Variants in CNTNAP5 observed in about 807,000 individuals in gnomAD.
CNTNAP5 encodes contactin associated protein family member 5.
A neutral mutation model predicts 150.2 loss-of-function variants in CNTNAP5; 72 were observed. The observed-to-expected ratio is 0.48, with a 90% CI of 0.40 to 0.58. The LOEUF (loss-of-function observed/expected upper bound fraction) is 0.58, where lower values mean the gene tolerates loss of function less well. CNTNAP5 is among the 20% of genes least tolerant of loss of function. The pLI is 0.00. For synonymous variants in CNTNAP5, 672 were observed against 619.8 expected (o/e 1.08, Z -1.25); for missense variants, 1,636 against 1,626.2 (o/e 1.01, Z -0.10).
chr2:124,487,624 A>G (rs1693917040), intron 7 of CNTNAP5, among the ~76,000 whole-genome samples: 2 of 151,940 alleles, frequency 1.3e-5, no homozygotes, highest in Admixed American at 6.6e-5. Context: ...ATGTGCCCAT[A>G]CACACGGAAT....
chr2:124,275,167 C>A (rs1379515583), intron 3 of CNTNAP5, among the ~76,000 whole-genome samples: 1 of 152,086 alleles, frequency 6.6e-6, no homozygotes, highest in Non-Finnish European at 1.5e-5. Context: ...GATTCAATTA[C>A]CTGACACTGG....
At chr2:124,247,416 T>C (rs781161509) in intron 3 of CNTNAP5, among the ~76,000 whole-genome samples, 40 of 152,120 alleles carry the variant, frequency 2.6e-4, no homozygotes, top group Non-Finnish European at 4.7e-4. Flanking sequence ...TATATGTGTA[T>C]ATGGTAGCAC....
intron 7 of CNTNAP5, among the ~76,000 whole-genome samples, chr2:124,483,452 G>T (rs1693803928): frequency 6.6e-6 from 1 of 152,180 alleles, no homozygotes; most frequent in South Asian, 2.1e-4. Context: ...ATCAACTCCA[G>T]GCATTGTGGA....
chr2:124,916,339 C>T lies in CNTNAP5; in HGVS notation c.*2051C>T, dbSNP rs78399865. On this transcript the variant is annotated 3_prime_UTR_variant, in exon 24 of 24. Coordinates refer to ENST00000682447, the MANE Select transcript of CNTNAP5 (RefSeq NM_001367498.1). ...TGAAGGATCTTTAAACACTGTTTTC[C>T]CCTGCCCTTTCCTCCCTTTCTTCAA... is the stretch of plus-strand genomic sequence containing the variant. 6.6e-6 allele frequency among the ~76,000 whole-genome samples: 1 copy of T among 151,910 alleles called. No individual in the cohort carries two copies. The highest frequency in any genetic ancestry group is 1.9e-4 in the East Asian group (1 of 5,168).
intron 14 of CNTNAP5, among the ~76,000 whole-genome samples, chr2:124,761,413 G>T (rs1184223863): frequency 2.0e-5 from 3 of 152,046 alleles, no homozygotes; most frequent in Non-Finnish European, 4.4e-5. Flanking sequence ...CAGTCAGTGT[G>T]GGTTCCCATT....
Position 124,447,266 on chromosome 2 carries a change from G to T in CNTNAP5, c.918+329G>T, listed in dbSNP as rs574977367. On this transcript the variant is annotated intron_variant, in intron 6 of 23. Transcript: ENST00000682447. ...TGGTTATGTATCTTCTTAAAAAAAA[G>T]ACCTCAGTTATCTGTGGTGATGAAA... 7.2e-5 allele frequency among the ~76,000 whole-genome samples: 11 copies of T among 151,780 alleles called. 1 individual carries two copies. The highest frequency in any genetic ancestry group is 1.6e-4 in the Non-Finnish European group (11 of 67,990).
intron 19 of CNTNAP5, among the ~76,000 whole-genome samples, chr2:124,823,430 C>T (rs1453224699): frequency 6.6e-6 from 1 of 152,160 alleles, no homozygotes; most frequent in Non-Finnish European, 1.5e-5. Context: ...TTTCAAAGAC[C>T]GTCACCACAC....
intron 19 of CNTNAP5, among the ~76,000 whole-genome samples, chr2:124,827,214 G>A (rs375962770): frequency 5.9e-5 from 9 of 152,066 alleles, no homozygotes; most frequent in Non-Finnish European, 1.2e-4. Flanking sequence ...ATGAGCCACC[G>A]CACCTGGCCT....
At chr2:124,785,961 C>G (rs114386313) in intron 17 of CNTNAP5, among the ~76,000 whole-genome samples, 1 of 152,004 alleles carries the variant, frequency 6.6e-6, no homozygotes, top group Non-Finnish European at 1.5e-5. Context: ...ACAAGCTGGC[C>G]GTTGTGGTTC....
At chr2:124,770,763 T>TG (rs1359618270) in intron 16 of CNTNAP5, among the ~76,000 whole-genome samples, 1 of 152,184 alleles carries the variant, frequency 6.6e-6, no homozygotes, top group Non-Finnish European at 1.5e-5. Flanking sequence ...TTGCCTAGGT[T>TG]GAAAAATCAC....
chr2:124,866,429 C>T (rs1489731375), intron 20 of CNTNAP5, among the ~76,000 whole-genome samples: 1 of 152,128 alleles, frequency 6.6e-6, no homozygotes, highest in African/African-American at 2.4e-5. Flanking sequence ...AAGAGGAAAT[C>T]ATAATAGGCT....
chr2:124,158,690 G>A (rs1025945286), intron 1 of CNTNAP5, among the ~76,000 whole-genome samples: 1 of 152,148 alleles, frequency 6.6e-6, no homozygotes, highest in African/African-American at 2.4e-5. Context: ...TGCTATGAGA[G>A]GATATTTTAT....
At chr2:124,264,470 A>T (rs1390006528) in intron 3 of CNTNAP5, among the ~76,000 whole-genome samples, 1 of 151,932 alleles carries the variant, frequency 6.6e-6, no homozygotes, top group East Asian at 1.9e-4. Context: ...AGGTTCAAAG[A>T]CACCAGAACT....
chr2:124,789,118 G>A (rs1356685898), intron 17 of CNTNAP5, among the ~76,000 whole-genome samples: 1 of 152,188 alleles, frequency 6.6e-6, no homozygotes, highest in African/African-American at 2.4e-5. Flanking sequence ...GCACTGCACT[G>A]TGCAAGCATT....
intron 3 of CNTNAP5, among the ~76,000 whole-genome samples, chr2:124,243,532 G>A (rs1014675461): frequency 1.3e-5 from 2 of 152,084 alleles, no homozygotes; most frequent in African/African-American, 2.4e-5. Context: ...TCTTTATTCT[G>A]GGTCACTTGT....
chr2:124,712,355 T>C (rs1230871658), intron 13 of CNTNAP5, among the ~76,000 whole-genome samples: 1 of 152,224 alleles, frequency 6.6e-6, no homozygotes, highest in Non-Finnish European at 1.5e-5. Flanking sequence ...ATTATTCTCA[T>C]TTTACAGCAA....
At chr2:124,522,739 C>T (rs991606377) in intron 8 of CNTNAP5, among the ~76,000 whole-genome samples, 3 of 152,198 alleles carry the variant, frequency 2.0e-5, no homozygotes, top group African/African-American at 4.8e-5. Context: ...TTTCTAGCTG[C>T]CTTCATATTG....
chr2:124,666,172 A>T (rs1303663917), intron 13 of CNTNAP5, among the ~76,000 whole-genome samples: 1 of 152,154 alleles, frequency 6.6e-6, no homozygotes, highest in African/African-American at 2.4e-5. Flanking sequence ...TTACAGGCAA[A>T]CACACATATC....
At chr2:124,295,892 A>G (rs899536099) in intron 3 of CNTNAP5, among the ~76,000 whole-genome samples, 8 of 152,200 alleles carry the variant, frequency 5.3e-5, no homozygotes, top group African/African-American at 1.9e-4. Flanking sequence ...CCTTTTTCCA[A>G]GAGGTAATCA....
Sources: gnomAD v4.1 joint callset for allele counts (sites outside exome capture counted in the v4.1 genomes callset) on GRCh38, gnomAD v4.1.1 for gene constraint, MANE v1.5 for transcripts, NCBI Gene and HGNC (gene_info 2026-07-23, HGNC 2026-07-21) for gene names.